DGKH: variants seen among roughly 807,000 people sequenced by gnomAD.
DGKH encodes the protein diacylglycerol kinase eta, also known as DAG kinase eta.
Under a neutral mutation model 159.3 loss-of-function variants are expected in DGKH, and 90 were observed. The ratio of observed to expected loss-of-function variants is 0.57; its 90% confidence interval spans 0.48 to 0.67. DGKH has a LOEUF of 0.67. DGKH is among the 30% of genes least tolerant of loss of function. The pLI, the probability that DGKH is intolerant of heterozygous loss-of-function variation, is 0.00. For missense variants in DGKH, 1,181 were observed against 1,506.1 expected (o/e 0.78, Z 3.57); for synonymous variants, 536 against 553.8 (o/e 0.97, Z 0.45).
Position 42,242,742 on chromosome 13 carries a change from T to C in DGKH, c.*13554T>C, listed in dbSNP as rs1958536921. 6.6e-6 allele frequency: 1 copy of C among 152,198 alleles called. No individual in the cohort carries two copies. The highest frequency in any genetic ancestry group is 2.4e-5 in the African/African-American group (1 of 41,442). 9.4% of individuals were successfully genotyped at this position (152,198 alleles called of 1,614,324 possible). ...CCTTTTATTGTGGGATGCATGATTA[T>C]GTATTTATTGTACGGAAGTCACTGA... On this transcript the variant is annotated 3_prime_UTR_variant, in exon 30 of 30. Transcript: ENST00000337343.
At chr13:42,140,704 A>C (rs781281309) in intron 3 of DGKH, 1 of 152,098 alleles carries the variant, frequency 6.6e-6, no homozygotes, top group African/African-American at 2.4e-5. Context: ...CCTAGACGTC[A>C]CTGTGGTCTT....
chr13:42,194,701 T>A (rs531779462), intron 16 of DGKH, among the ~76,000 whole-genome samples, 184 bp from the exon 17 acceptor site: 2 of 152,362 alleles, frequency 1.3e-5, no homozygotes, highest in South Asian at 4.1e-4. Context: ...TGATTTGAGA[T>A]GAGGAATCAA....
intron 13 of DGKH, among the ~76,000 whole-genome samples, chr13:42,185,950 G>A (rs1294549464): frequency 6.6e-6 from 1 of 151,782 alleles, no homozygotes; most frequent in Non-Finnish European, 1.5e-5. Flanking sequence ...AATTTCCAAG[G>A]TGATAAATCT....
chr13:42,215,507 A>G (rs2096391571), intron 25 of DGKH, 68 bp from the exon 26 acceptor site: 3 of 1,166,248 alleles, frequency 2.6e-6, no homozygotes, highest in Non-Finnish European at 3.5e-6. Context: ...AATAAAATTT[A>G]AAGTGTTTAT....
intron 3 of DGKH, among the ~76,000 whole-genome samples, chr13:42,151,578 T>C (rs995733134): frequency 4.3e-5 from 4 of 93,776 alleles, no homozygotes; most frequent in African/African-American, 7.0e-5. Context: ...CTTATATGTA[T>C]ACACACACAC....
chr13:42,225,351 GT>G (rs1402334706), intron 29 of DGKH: 2 of 1,572,282 alleles, frequency 1.3e-6, no homozygotes, highest in Non-Finnish European at 1.7e-6. Context: ...AGAGTTTTTT[GT>G]TTAGTTTATT....
intron 1 of DGKH, among the ~76,000 whole-genome samples, chr13:42,089,047 G>C (rs921381911): frequency 6.6e-6 from 1 of 152,174 alleles, no homozygotes; most frequent in African/African-American, 2.4e-5. Flanking sequence ...TGACAAAGGG[G>C]TAAATTCATC....
downstream of DGKH, among the ~76,000 whole-genome samples, chr13:42,244,406 C>G (rs1958560221): frequency 6.6e-6 from 1 of 152,198 alleles, no homozygotes; most frequent in Non-Finnish European, 1.5e-5. Context: ...GGGTGAGAAC[C>G]AGTGCCCCTG....
intron 13 of DGKH, chr13:42,181,410 G>A: frequency 6.5e-6 from 1 of 154,836 alleles, no homozygotes. Flanking sequence ...ACATTTTTAT[G>A]CTAAATTTAC....
At chr13:42,186,630 T>G (rs1038698874) in intron 13 of DGKH, among the ~76,000 whole-genome samples, 1 of 152,220 alleles carries the variant, frequency 6.6e-6, no homozygotes, top group African/African-American at 2.4e-5. Context: ...AATCAAAATA[T>G]CCATATGATG....
chr13:42,114,367 A>G (rs1036888997), intron 1 of DGKH, among the ~76,000 whole-genome samples: 1 of 152,182 alleles, frequency 6.6e-6, no homozygotes, highest in African/African-American at 2.4e-5. Flanking sequence ...CCCAAAAGCC[A>G]TCTCAGCTAC....
rs1248971573 is a variant in DGKH, at chr13:42,048,786, G to A, written c.13G>A (p.Gly5Arg). 2.3e-6 allele frequency: 3 copies of A among 1,304,880 alleles called. No homozygotes were observed. The highest frequency in any genetic ancestry group is 8.4e-5 in the Admixed American group (2 of 23,788). 80.8% of individuals were successfully genotyped at this position (1,304,880 alleles called of 1,614,324 possible). Residue 5 changes from glycine (G) to arginine (R), a missense_variant, in exon 1 of 30, where the codon GGA becomes AGA. Transcript: ENST00000337343. This position sits in a 1 kb window ranked among gnomAD's most constrained non-coding sequence, Gnocchi z 6.7. MAGA[G>R]GQHHPPGAAG... Reference sequence around the variant, plus strand: ...GGAGTCGGAGAGGATGGCAGGGGCCGGAGGCCAGCACCACCCTCCGGGCGC... The same window carrying A: ...GGAGTCGGAGAGGATGGCAGGGGCCAGAGGCCAGCACCACCCTCCGGGCGC...
In DGKH at chr13:42,242,773, G is replaced by A. The variant is rs1180458683; in HGVS notation, c.*13585G>A. ...TATTGTACGGAAGTCACTGACGTGT[G>A]TATTTTTGTACTTTGCTGAAAGTAA... On this transcript the variant is annotated 3_prime_UTR_variant, in exon 30 of 30. Coordinates refer to ENST00000337343, the MANE Select transcript of DGKH (RefSeq NM_178009.5). 1 of 152,126 alleles carries A rather than the reference G, an allele frequency of 6.6e-6. No homozygotes were observed. Among genetic ancestry groups the A allele is most frequent in the Non-Finnish European group, 1.5e-5 (1 of 68,002 alleles). The allele number at this position is 152,126 out of a possible 1,614,324, so 9.4% of individuals were successfully genotyped here.
At chr13:42,088,782 A>G (rs981234826) in intron 1 of DGKH, among the ~76,000 whole-genome samples, 36 of 152,332 alleles carry the variant, frequency 2.4e-4, no homozygotes, top group Admixed American at 2.4e-3. Flanking sequence ...TGATAATCAC[A>G]TTAATTGTAA....
chr13:42,140,695 C>G (rs1343419139), intron 3 of DGKH: 1 of 152,096 alleles, frequency 6.6e-6, no homozygotes, highest in Admixed American at 6.6e-5. Flanking sequence ...TGGAATTTAC[C>G]TAGACGTCAC....
At chr13:42,179,474 G>A (rs1005656904) in intron 13 of DGKH, among the ~76,000 whole-genome samples, 1 of 152,088 alleles carries the variant, frequency 6.6e-6, no homozygotes, top group African/African-American at 2.4e-5. Context: ...TTGGAATTCT[G>A]TGTAAGATTG....
At chr13:42,191,790 C>T (rs1002479492) in intron 16 of DGKH, among the ~76,000 whole-genome samples, 24 of 151,890 alleles carry the variant, frequency 1.6e-4, no homozygotes, top group Admixed American at 1.1e-3. Flanking sequence ...ATAAGTAAAA[C>T]GTAAACTTAA....
At position 42,219,757 on chromosome 13, in the gene DGKH, G is replaced by A. The variant is rs866930279; in HGVS notation, c.3405G>A (p.Lys1135=). The change falls in exon 28 of 30, where the codon AAG becomes AAA. Residue 1135 remains lysine, a synonymous_variant. Transcript: ENST00000337343. ...TTCGAATAGTGCCAAAGTTTAAAAA[G>A]GAAAAGGTTCAGAAGCAGAAGACAA... ...TVFRIVPKFK[K]EKVQKQKTSS... The A allele has an allele frequency of 1.9e-6, 3 of 1,613,640 alleles. No homozygotes were observed. The African/African-American group carries it at 4.0e-5, about 22-fold the overall frequency.
chr13:42,209,990 T>C (rs1234096115), intron 23 of DGKH, among the ~76,000 whole-genome samples: 3 of 106,554 alleles, frequency 2.8e-5, no homozygotes, highest in East Asian at 2.2e-4. Flanking sequence ...CTGGCAATCA[T>C]TGATTTTTTT....
Sources: gnomAD v4.1 joint callset for allele counts (sites outside exome capture counted in the v4.1 genomes callset) on GRCh38, gnomAD v4.1.1 for gene constraint, Gnocchi (gnomAD v3.1) non-coding constraint, MANE v1.5 for transcripts, NCBI Gene and HGNC (gene_info 2026-07-23, HGNC 2026-07-21) for gene names.